Variants in TOGARAM1 observed in about 807,000 individuals in gnomAD.
TOGARAM1 encodes the protein TOG array regulator of axonemal microtubules protein 1.
In TOGARAM1, 100 loss-of-function variants were observed where a neutral mutation model predicts 166.6. The ratio of observed to expected loss-of-function variants is 0.60; its 90% CI spans 0.51 to 0.71. The LOEUF (loss-of-function observed/expected upper bound fraction) is 0.71, where lower values mean the gene tolerates loss of function less well. TOGARAM1 is among the 30% of genes least tolerant of loss of function. The probability of loss-of-function intolerance (pLI) is 0.00; values close to 1 mark genes in which losing one functional copy is unlikely to be tolerated. For synonymous variants in TOGARAM1, 758 were observed against 763.8 expected (o/e 0.99, Z 0.13); for missense variants, 2,029 against 2,102.7 (o/e 0.96, Z 0.69).
rs755353871 is a variant in TOGARAM1, at chr14:44,962,435, C to T, written c.14C>T (p.Pro5Leu). ...TGACAACCCTGCATGGCGGCTGCCCCCTCCGCGCTGCTTCTGCTGCCGCCC... is the reference window on the plus strand; with the variant it reads ...TGACAACCCTGCATGGCGGCTGCCCTCTCCGCGCTGCTTCTGCTGCCGCCC... MAAA[P>L]SALLLLPPFP... Residue 5 changes from proline (P) to leucine (L), a missense_variant, in exon 1 of 20, where the codon CCC (proline) becomes CTC (leucine). Around this residue, in one of 2 missense-constraint regions of TOGARAM1, gnomAD observed 1,453 missense variants for 1,432.2 expected, o/e 1.01. Coordinates refer to ENST00000361462, the MANE Select transcript of TOGARAM1 (RefSeq NM_001308120.2). 10 of 1,566,430 alleles carry T rather than the reference C, an allele frequency of 6.4e-6. No homozygotes were observed. Among genetic ancestry groups the T allele is most frequent in the South Asian group, 4.7e-5 (4 of 84,806 alleles).
At chr14:45,033,016 G>T (rs371789164) in intron 11 of TOGARAM1, among the ~76,000 whole-genome samples, 3 of 152,176 alleles carry the variant, frequency 2.0e-5, no homozygotes, top group East Asian at 1.9e-4. Context: ...CTTTGGGAGG[G>T]TGAGGTGGGC....
In TOGARAM1 at chr14:45,027,399, A is replaced by C; in HGVS notation, c.3429A>C (p.Glu1143Asp). The C allele has an allele frequency of 6.2e-7, 1 of 1,613,726 alleles. No homozygotes were observed. The highest frequency in any genetic ancestry group is 8.5e-7 in the Non-Finnish European group (1 of 1,179,854). Residue 1143 changes from glutamate to aspartate, a missense_variant, in exon 9 of 20, where the codon GAA (glutamate) becomes GAC (aspartate). By Grantham distance (45) the Glu-to-Asp change is conservative. Transcript: ENST00000361462. ...CATTTTCAATTAAACAAAGTATTGA[A>C]CCACCATCAGGGATTTATGGAAGAT... ...GDTFSIKQSIEPPSGIYGRSV... is the reference protein window; with the variant it reads ...GDTFSIKQSIDPPSGIYGRSV...
chr14:45,014,775 C>T (rs1326516613), intron 7 of TOGARAM1, among the ~76,000 whole-genome samples: 1 of 152,196 alleles, frequency 6.6e-6, no homozygotes, highest in South Asian at 2.1e-4. Flanking sequence ...AAAACATTTC[C>T]ACCCAAAGCC....
rs1879840878 is a variant in TOGARAM1 at position 45,012,087 on chromosome 14, C to T, written c.3238+12C>T. 6.8e-7 allele frequency: 1 copy of T among 1,463,154 alleles called. No homozygotes were observed. The highest frequency in any genetic ancestry group is 9.3e-7 in the Non-Finnish European group (1 of 1,075,858). 90.6% of individuals were successfully genotyped at this position (1,463,154 alleles called of 1,614,324 possible). ...AAGCCCCAGTGCAGGTATTCTATGT[C>T]TGTTTATAAAAATAATTTATAAAAT... is the stretch of plus-strand genomic sequence containing the variant. On this transcript the variant is annotated intron_variant, in intron 7 of 19. Transcript: ENST00000361462.
intron 1 of TOGARAM1, among the ~76,000 whole-genome samples, chr14:44,987,009 A>G (rs1167259511): frequency 6.6e-6 from 1 of 151,574 alleles, no homozygotes; most frequent in African/African-American, 2.4e-5. Context: ...TGTCTCAAAA[A>G]AAAAAAAAAA....
rs764845901 is a variant in TOGARAM1, at chr14:44,963,815, A to C, written c.1394A>C (p.Glu465Ala). The change falls in exon 1 of 20, where the codon GAA (glutamate) becomes GCA (alanine). Residue 465 changes from glutamate (E) to alanine (A), a missense_variant. Transcript: ENST00000361462. ...YMKIFLKLMK[E>A]VGPQQVLCLL... ...AAAATCTTCCTCAAGCTAATGAAGG[A>C]AGTAGGACCTCAGCAGGTGCTTTGT... The C allele has an allele frequency of 5.6e-6, 9 of 1,614,186 alleles. No individual in the cohort carries two copies. The South Asian group carries it at 8.8e-5, about 16-fold the overall frequency.
rs369302120 is a variant in TOGARAM1, at chr14:44,969,110, T to TTTCCTTCCTTCCTTCCTTCCTTCC, written c.2046+4658_2046+4681dup. ...GTTTGATACCTCATTTCTTTCTTTC[T>TTTCCTTCCTTCCTTCCTTCCTTCC]TTCCTTCCTTCCTTCCTTCCTTCCT... On this transcript the variant is annotated intron_variant, in intron 1 of 19. Coordinates refer to ENST00000361462, the MANE Select transcript of TOGARAM1 (RefSeq NM_001308120.2). Among the ~76,000 whole-genome samples the TTTCCTTCCTTCCTTCCTTCCTTCC allele has an allele frequency of 5.0e-4, 69 of 139,208 alleles. 1 individual carries two copies. Among genetic ancestry groups the TTTCCTTCCTTCCTTCCTTCCTTCC allele is most frequent in the African/African-American group, 1.9e-3 (64 of 34,264 alleles). The allele number at this position is 139,208 out of a possible 152,430, so 91.3% of individuals were successfully genotyped here. A position where few individuals can be genotyped will look rare whatever the true frequency, so the allele number is the denominator to read the frequency against.
At chr14:45,009,526 G>C (rs1180278033) in intron 6 of TOGARAM1, among the ~76,000 whole-genome samples, 1 of 152,042 alleles carries the variant, frequency 6.6e-6, no homozygotes, top group Non-Finnish European at 1.5e-5. Context: ...CTCAGCACCA[G>C]TTTCCTCTAA....
At chr14:45,001,898 G>A (rs942358094) in intron 3 of TOGARAM1, among the ~76,000 whole-genome samples, 19 of 152,110 alleles carry the variant, frequency 1.2e-4, no homozygotes, top group Admixed American at 6.5e-5. Context: ...CAGGAATTTG[G>A]GGGTTGAAGG....
At chr14:44,972,371 A>T (rs77944803) in intron 1 of TOGARAM1, among the ~76,000 whole-genome samples, 29 of 152,158 alleles carry the variant, frequency 1.9e-4, no homozygotes, top group African/African-American at 6.5e-4. Context: ...TAATCTATAG[A>T]TGTCAATTAC....
At position 45,046,618 on chromosome 14, in the gene TOGARAM1, C is replaced by T. The variant is rs570507930; in HGVS notation, c.4228C>T (p.Arg1410Cys). 74 of 1,418,786 alleles carry T rather than the reference C, an allele frequency of 5.2e-5. No homozygotes were observed. In the African/African-American group the frequency reaches 9.7e-4, roughly 19 times the overall value. 87.9% of individuals were successfully genotyped at this position (1,418,786 alleles called of 1,614,324 possible). A position where few individuals can be genotyped will look rare whatever the true frequency, so the allele number is the denominator to read the frequency against. Reference protein sequence around the residue: ...SDVLEFMEPERILSAAKDMAE... With the variant: ...SDVLEFMEPECILSAAKDMAE... The stretch of plus-strand genomic sequence containing the variant: ...TGTATTGGAATTTATGGAACCAGAA[C>T]GTATTTTATCTGCAGCAAAGGATAT... Residue 1410 changes from arginine (R) to cysteine (C), a missense_variant, in exon 14 of 20, where the codon CGT (arginine) becomes TGT (cysteine). Transcript: ENST00000361462.
intron 14 of TOGARAM1, among the ~76,000 whole-genome samples, chr14:45,051,525 G>A (rs1380175114): frequency 6.6e-6 from 1 of 151,714 alleles, no homozygotes; most frequent in African/African-American, 2.4e-5. Flanking sequence ...GACTTTAAAG[G>A]GGGATTATGG....
At chr14:44,984,163 A>G (rs187995956) in intron 1 of TOGARAM1, among the ~76,000 whole-genome samples, 52 of 152,314 alleles carry the variant, frequency 3.4e-4, no homozygotes, top group East Asian at 2.3e-3. Context: ...AAATGTTACA[A>G]TGTTTATTAA....
chr14:45,006,020 A>G lies in TOGARAM1; in HGVS notation c.2657A>G (p.Gln886Arg). Residue 886 changes from glutamine to arginine, a missense_variant, in exon 5 of 20, where the codon CAA becomes CGA. By Grantham distance (43) the Gln-to-Arg change is conservative. Coordinates refer to ENST00000361462, the MANE Select transcript of TOGARAM1 (RefSeq NM_001308120.2). ...PTGRNHGENS[Q>R]EKPPVQLTPA... ...ATTTTTCATGCAGGAGAAAATTCTC[A>G]AGAAAAACCTCCAGTTCAGCTTACA... The G allele has an allele frequency of 6.5e-7, 1 of 1,546,022 alleles. No individual in the cohort carries two copies. The highest frequency in any genetic ancestry group is 2.3e-5 in the East Asian group (1 of 44,194).
chr14:45,044,318 G>T (rs190810702), intron 12 of TOGARAM1, among the ~76,000 whole-genome samples: 2 of 152,034 alleles, frequency 1.3e-5, no homozygotes, highest in African/African-American at 2.4e-5. Context: ...TTTAAGATAC[G>T]TTACTTGAAG....
rs555101881 is a variant in TOGARAM1 at position 44,985,231 on chromosome 14, C to G, written c.2047-10515C>G. Among the ~76,000 whole-genome samples the G allele has an allele frequency of 2.6e-5, 4 of 152,266 alleles. 1 individual carries two copies. Among genetic ancestry groups the G allele is most frequent in the African/African-American group, 7.2e-5 (3 of 41,548 alleles). On this transcript the variant is annotated intron_variant, in intron 1 of 19. Transcript: ENST00000361462. ...GTTTCACAATGTGGGTCAAGTTAGT[C>G]TCGAACTCCTGACTTTGTGAACCGC...
At chr14:44,971,627 A>C (rs1386482116) in intron 1 of TOGARAM1, among the ~76,000 whole-genome samples, 1 of 152,050 alleles carries the variant, frequency 6.6e-6, no homozygotes, top group Non-Finnish European at 1.5e-5. Context: ...GTTTCCTAGG[A>C]TGTGCACTTA....
At chr14:45,062,950 C>A (rs1882963163) in intron 16 of TOGARAM1, among the ~76,000 whole-genome samples, 1 of 152,134 alleles carries the variant, frequency 6.6e-6, no homozygotes, top group Non-Finnish European at 1.5e-5. Context: ...TACTTATTAG[C>A]AGTCATGCCC....
chr14:45,059,934 A>G (rs1042617854), intron 16 of TOGARAM1, among the ~76,000 whole-genome samples: 176 of 143,852 alleles, frequency 1.2e-3, no homozygotes, highest in African/African-American at 4.5e-3. Flanking sequence ...TTTTTTTGAG[A>G]TGGAGTCTCG....
Sources: gnomAD v4.1 joint callset for allele counts (sites outside exome capture counted in the v4.1 genomes callset) on GRCh38, gnomAD v4.1.1 for gene constraint, gnomAD v4.1.1 regional missense constraint, MANE v1.5 for transcripts, NCBI Gene and HGNC (gene_info 2026-07-23, HGNC 2026-07-21) for gene names.